Variants in ADAMTS15 observed in about 807,000 individuals in gnomAD.
The protein encoded by ADAMTS15 is A disintegrin and metalloproteinase with thrombospondin motifs 15.
A neutral mutation model predicts 79.1 loss-of-function variants in ADAMTS15; 35 were observed. The observed-to-expected ratio is 0.44, with a 90% CI of 0.34 to 0.59. ADAMTS15 has a LOEUF of 0.59. Ranked by LOEUF, ADAMTS15 falls within the 20% of genes least tolerant of loss-of-function variation. The pLI, the probability that ADAMTS15 is intolerant of heterozygous loss-of-function variation, is 0.02. For synonymous variants in ADAMTS15, 616 were observed against 567.3 expected, an observed-to-expected ratio of 1.09 and a Z score of -1.22; for missense variants, 1,324 against 1,318.7, an observed-to-expected ratio of 1.00 and a Z score of -0.06.
At chr11:130,458,050 C>A (rs1351733750) in intron 1 of ADAMTS15, among the ~76,000 whole-genome samples, 1 of 152,106 alleles carries the variant, frequency 6.6e-6, no homozygotes, top group African/African-American at 2.4e-5. Flanking sequence ...CCAAGAAGGG[C>A]CTGCAGCTGC....
At position 130,475,977 on chromosome 11, in the gene ADAMTS15, C is replaced by T. The variant is rs1938577020; in HGVS notation, c.*2156C>T. 1 of 152,216 alleles carries T rather than the reference C, an allele frequency of 6.6e-6. No homozygotes were observed. Among genetic ancestry groups the T allele is most frequent in the Admixed American group, 6.5e-5 (1 of 15,282 alleles). 9.4% of individuals were successfully genotyped at this position (152,216 alleles called of 1,614,324 possible). A position where few individuals can be genotyped will look rare whatever the true frequency, so the allele number is the denominator to read the frequency against. On this transcript the variant is annotated 3_prime_UTR_variant, in exon 8 of 8. Coordinates refer to ENST00000299164, the MANE Select transcript of ADAMTS15 (RefSeq NM_139055.4). The stretch of plus-strand genomic sequence containing the variant: ...TTTTGCCATCAGTCACTTTACAAAC[C>T]ATTTCAAGGAAGGACAACCTCTCTG...
rs750193313 is a variant in ADAMTS15 at position 130,462,037 on chromosome 11, C to G, written c.1091-50C>G. The G allele has an allele frequency of 7.7e-5, 118 of 1,535,166 alleles. No individual in the cohort carries two copies. The highest frequency in any genetic ancestry group is 1.7e-4 in the Middle Eastern group (1 of 5,838). ...TCCCCTGCCCCATTCCTCCCTCCAA[C>G]CCCCATGTCCTTCCTCCTGCCCTCT... On this transcript the variant is annotated intron_variant, in intron 2 of 7. Coordinates refer to ENST00000299164, the MANE Select transcript of ADAMTS15 (RefSeq NM_139055.4). The surrounding 1 kb of genome is among the most constrained non-coding windows in gnomAD (Gnocchi z 4.3).
intron 4 of ADAMTS15, among the ~76,000 whole-genome samples, chr11:130,464,927 A>T (rs1938270301): frequency 6.6e-6 from 1 of 151,442 alleles, no homozygotes; most frequent in African/African-American, 2.4e-5. Context: ...TGATCACGCC[A>T]CTGCACTCCA....
chr11:130,472,680 CCCTCCTCCT>C lies in ADAMTS15; in HGVS notation c.2079-347_2079-339del, dbSNP rs558950716. On this transcript the variant is annotated intron_variant, in intron 7 of 7. Coordinates refer to ENST00000299164, the MANE Select transcript of ADAMTS15 (RefSeq NM_139055.4). The surrounding 1 kb of genome is among the most constrained non-coding windows in gnomAD (Gnocchi z 4.7). ...GGTGGACTTACTCCTCCCGCCCCAC[CCCTCCTCCT>C]CCTCCTCCTCCTCCTCCTCGTCCTC... Among the ~76,000 whole-genome samples the C allele has an allele frequency of 5.9e-3, 849 of 144,446 alleles. 12 individuals are homozygous for C. The highest frequency in any genetic ancestry group is 0.021 in the African/African-American group (781 of 36,796). The allele number at this position is 144,446 out of a possible 152,430, so 94.8% of individuals were successfully genotyped here.
At chr11:130,455,954 T>A (rs768559949) in intron 1 of ADAMTS15, among the ~76,000 whole-genome samples, 10 of 152,154 alleles carry the variant, frequency 6.6e-5, no homozygotes, top group Non-Finnish European at 1.2e-4. Context: ...CTTCCATTCT[T>A]GGGGCGATAT....
chr11:130,466,929 C>A (rs117469792), intron 4 of ADAMTS15, among the ~76,000 whole-genome samples: 2 of 152,246 alleles, frequency 1.3e-5, no homozygotes, highest in East Asian at 3.9e-4. Context: ...CCCCCATAAT[C>A]CAGAGCAGCC....
chr11:130,471,325 G>A lies in ADAMTS15; in HGVS notation c.2020G>A (p.Val674Met). The change falls in exon 7 of 8, where the codon GTG becomes ATG. Residue 674 changes from valine to methionine, a missense_variant. Coordinates refer to ENST00000299164, the MANE Select transcript of ADAMTS15 (RefSeq NM_139055.4). ...CAAGAAGAGATTCGACAAGTGTGGG[G>A]TGTGTGGGGGAGACAATAAGAGCTG... ...GSKKRFDKCG[V>M]CGGDNKSCKK... is the part of the protein sequence containing the mutation. 1.9e-6 allele frequency: 3 copies of A among 1,612,798 alleles called. No individual in the cohort carries two copies. The highest frequency in any genetic ancestry group is 1.1e-5 in the South Asian group (1 of 90,852).
chr11:130,471,451 G>A (rs1938457141), intron 7 of ADAMTS15, 68 bp downstream of exon 7: 1 of 1,546,244 alleles, frequency 6.5e-7, no homozygotes, highest in Non-Finnish European at 8.7e-7. Flanking sequence ...CCAGGGTATT[G>A]GAAGCTTGGG....
Position 130,474,026 on chromosome 11 carries a change from T to A in ADAMTS15, c.*205T>A, listed in dbSNP as rs986220050. 6 of 685,780 alleles carry A rather than the reference T, an allele frequency of 8.7e-6. No homozygotes were observed. The highest frequency in any genetic ancestry group is 1.2e-5 in the Non-Finnish European group (5 of 433,472). The allele number at this position is 685,780 out of a possible 1,614,324, so 42.5% of individuals were successfully genotyped here. A position where few individuals can be genotyped will look rare whatever the true frequency, so the allele number is the denominator to read the frequency against. Reference sequence around the variant, plus strand: ...GGGAAGCCCAGGAACTCCCGCACAGTCTACCTCAGGCCCCGCTCCTCGGGC... The same window carrying A: ...GGGAAGCCCAGGAACTCCCGCACAGACTACCTCAGGCCCCGCTCCTCGGGC... On this transcript the variant is annotated 3_prime_UTR_variant, in exon 8 of 8. Transcript: ENST00000299164.
At position 130,449,068 on chromosome 11, in the gene ADAMTS15, A is replaced by C. The variant is rs1467030439; in HGVS notation, c.95A>C (p.Asp32Ala). Residue 32 changes from aspartate (D) to alanine (A), a missense_variant, in exon 1 of 8, where the codon GAC becomes GCC. Transcript: ENST00000299164. This position sits in a 1 kb window ranked among gnomAD's most constrained non-coding sequence, Gnocchi z 7.8. ...GAGGTAGTCGTTCCCATCCGACTGG[A>C]CCCGGACATTAACGGCCGCCGCTAC... ...EREVVVPIRL[D>A]PDINGRRYYW... is the part of the protein sequence containing the mutation. 1.3e-6 allele frequency: 2 copies of C among 1,572,496 alleles called. No homozygotes were observed. Among genetic ancestry groups the C allele is most frequent in the Non-Finnish European group, 1.7e-6 (2 of 1,155,518 alleles).
Position 130,469,262 on chromosome 11 carries a change from G to T in ADAMTS15, c.1543G>T (p.Val515Leu), listed in dbSNP as rs1169106510. Reference sequence around the variant, plus strand: ...GAATATAACAGGCTCTTCCTCACAGGTGGATGGTTCCTGGGCCAAATGGGA... The same window carrying T: ...GAATATAACAGGCTCTTCCTCACAGTTGGATGGTTCCTGGGCCAAATGGGA... ...VERHNLNKHRVDGSWAKWDPY... is the reference protein window; with the variant it reads ...VERHNLNKHRLDGSWAKWDPY... The change falls in exon 5 of 8, where the codon GTG (valine) becomes TTG (leucine). Residue 515 changes from valine to leucine, a missense_variant and splice_region_variant. Physicochemically the swap from Val to Leu is conservative, Grantham distance 32 (BLOSUM62 1). Transcript: ENST00000299164. 1.4e-6 allele frequency: 2 copies of T among 1,397,444 alleles called. No individual in the cohort carries two copies. Among genetic ancestry groups the T allele is most frequent in the Non-Finnish European group, 1.9e-6 (2 of 1,071,496 alleles). The allele number at this position is 1,397,444 out of a possible 1,614,324, so 86.6% of individuals were successfully genotyped here.
At chr11:130,464,606 C>A (rs920508960) in intron 4 of ADAMTS15, among the ~76,000 whole-genome samples, 1 of 152,102 alleles carries the variant, frequency 6.6e-6, no homozygotes, top group East Asian at 1.9e-4. Flanking sequence ...CCCTTCCCAT[C>A]ATGCCTTCCC....
Position 130,473,538 on chromosome 11 carries a change from G to A in ADAMTS15, c.2570G>A (p.Ser857Asn), listed in dbSNP as rs1034739854. The change falls in exon 8 of 8, where the codon AGT becomes AAT. Residue 857 changes from serine (S) to asparagine (N), a missense_variant. Coordinates refer to ENST00000299164, the MANE Select transcript of ADAMTS15 (RefSeq NM_139055.4). The part of the protein sequence containing the change: ...SWGPCSASCG[S>N]GLQKRAVDCR... ...GGGCCGTGCTCCGCGAGCTGCGGCA[G>A]TGGCCTGCAGAAGCGGGCGGTGGAC... The A allele has an allele frequency of 5.0e-6, 8 of 1,605,526 alleles. No individual in the cohort carries two copies. Among genetic ancestry groups the A allele is most frequent in the Non-Finnish European group, 6.0e-6 (7 of 1,175,310 alleles).
Position 130,469,452 on chromosome 11 carries a change from G to A in ADAMTS15, c.1720+13G>A. The A allele has an allele frequency of 7.5e-7, 1 of 1,327,776 alleles. No homozygotes were observed. Among genetic ancestry groups the A allele is most frequent in the Non-Finnish European group, 9.7e-7 (1 of 1,030,580 alleles). The allele number at this position is 1,327,776 out of a possible 1,614,324, so 82.2% of individuals were successfully genotyped here. A position where few individuals can be genotyped will look rare whatever the true frequency, so the allele number is the denominator to read the frequency against. ...TGCCCCAGCTCAGGTGAGGTGGGGAGAGCAGTGGTGGCCTGGGCCCAGGGG... is the reference window on the plus strand; with the variant it reads ...TGCCCCAGCTCAGGTGAGGTGGGGAAAGCAGTGGTGGCCTGGGCCCAGGGG... On this transcript the variant is annotated intron_variant, in intron 5 of 7. Coordinates refer to ENST00000299164, the MANE Select transcript of ADAMTS15 (RefSeq NM_139055.4).
chr11:130,462,141 G>A lies in ADAMTS15; in HGVS notation c.1145G>A (p.Gly382Glu). The A allele has an allele frequency of 6.2e-7, 1 of 1,614,128 alleles. No homozygotes were observed. Among genetic ancestry groups the A allele is most frequent in the Non-Finnish European group, 8.5e-7 (1 of 1,180,038 alleles). The stretch of plus-strand genomic sequence containing the variant: ...GTGAAAGTCTGTGAGGAGGTGTTTG[G>A]GAAGCTCCGAGCCAACCACATGATG... Reference protein sequence around the residue: ...DNVKVCEEVFGKLRANHMMSP... With the variant: ...DNVKVCEEVFEKLRANHMMSP... Residue 382 changes from glycine (G) to glutamate (E), a missense_variant, in exon 3 of 8, where the codon GGG becomes GAG. Physicochemically the swap from Gly to Glu is moderately conservative, Grantham distance 98. Coordinates refer to ENST00000299164, the MANE Select transcript of ADAMTS15 (RefSeq NM_139055.4). This position sits in a 1 kb window ranked among gnomAD's most constrained non-coding sequence, Gnocchi z 4.3.
chr11:130,471,313 G>C lies in ADAMTS15; in HGVS notation c.2008G>C (p.Asp670His), dbSNP rs527890967. 1 of 1,613,180 alleles carries C rather than the reference G, an allele frequency of 6.2e-7. No individual in the cohort carries two copies. The highest frequency in any genetic ancestry group is 2.2e-5 in the East Asian group (1 of 44,854). The change falls in exon 7 of 8, where the codon GAC (aspartate) becomes CAC (histidine). Residue 670 changes from aspartate to histidine, a missense_variant. Transcript: ENST00000299164. ...GAACCTGGGCTCCAAGAAGAGATTCGACAAGTGTGGGGTGTGTGGGGGAGA... is the reference window on the plus strand; with the variant it reads ...GAACCTGGGCTCCAAGAAGAGATTCCACAAGTGTGGGGTGTGTGGGGGAGA... ...DGNLGSKKRF[D>H]KCGVCGGDNK...
intron 4 of ADAMTS15, among the ~76,000 whole-genome samples, chr11:130,467,257 T>C (rs1171359057): frequency 6.6e-6 from 1 of 152,140 alleles, no homozygotes; most frequent in Non-Finnish European, 1.5e-5. Flanking sequence ...ATGGCCATTG[T>C]GGCTTTTGAG....
intron 4 of ADAMTS15, among the ~76,000 whole-genome samples, chr11:130,466,047 A>G (rs1938294182): frequency 6.6e-6 from 1 of 151,470 alleles, no homozygotes; most frequent in Non-Finnish European, 1.5e-5. Flanking sequence ...TAATTTTTGT[A>G]TTTTTAGTGG....
Position 130,462,625 on chromosome 11 carries a change from C to A in ADAMTS15, c.1387C>A (p.Gln463Lys). Reference protein sequence around the residue: ...GVGSKPCPYMQYCTKLWCTGK... With the variant: ...GVGSKPCPYMKYCTKLWCTGK... ...GGGCTCCAAGCCCTGTCCTTACATGCAGTACTGCACCAAGCTGTGGTGCAC... is the reference window on the plus strand; with the variant it reads ...GGGCTCCAAGCCCTGTCCTTACATGAAGTACTGCACCAAGCTGTGGTGCAC... Residue 463 changes from glutamine to lysine, a missense_variant, in exon 4 of 8, where the codon CAG becomes AAG. Gln to Lys is a moderately conservative substitution (Grantham distance 53). Coordinates refer to ENST00000299164, the MANE Select transcript of ADAMTS15 (RefSeq NM_139055.4). The surrounding 1 kb of genome is among the most constrained non-coding windows in gnomAD (Gnocchi z 4.3). 2 of 1,613,920 alleles carry A rather than the reference C, an allele frequency of 1.2e-6. No individual in the cohort carries two copies. Among genetic ancestry groups the A allele is most frequent in the Non-Finnish European group, 1.7e-6 (2 of 1,179,850 alleles).
Sources: allele counts gnomAD v4.1 joint callset (sites outside exome capture counted in the v4.1 genomes callset), GRCh38; gene constraint gnomAD v4.1.1; non-coding constraint Gnocchi (gnomAD v3.1); transcripts MANE v1.5; gene names NCBI Gene and HGNC (gene_info 2026-07-23, HGNC 2026-07-21).